The following TBC1D19 variants were observed in gnomAD, a reference collection of about 807,000 sequenced individuals.
TBC1D19 encodes the protein TBC1 domain family member 19.
Under a neutral mutation model 89.0 loss-of-function variants are expected in TBC1D19, and 60 were observed. The observed-to-expected ratio is 0.67, with a 90% CI of 0.55 to 0.84. The LOEUF (loss-of-function observed/expected upper bound fraction) is 0.84, where lower values mean the gene tolerates loss of function less well. TBC1D19 is among the 40% of genes least tolerant of loss of function. The probability of loss-of-function intolerance (pLI) is 0.00; values close to 1 mark genes in which losing one functional copy is unlikely to be tolerated. For missense variants in TBC1D19, 500 were observed against 610.8 expected (o/e 0.82, Z 1.91); for synonymous variants, 189 against 199.7 (o/e 0.95, Z 0.45).
rs1463550681 is a variant in TBC1D19, at chr4:26,735,627, G to T, written c.1117+140G>T. ...AAAAAATAAAGTGAAATGCATGCTA[G>T]TTCCCCATAGGGGCTTCATTTTTTT... On this transcript the variant is annotated intron_variant, in intron 16 of 20. Coordinates refer to ENST00000264866, the MANE Select transcript of TBC1D19 (RefSeq NM_018317.4). The T allele has an allele frequency of 5.9e-6, 4 of 672,344 alleles. No homozygotes were observed. In the Admixed American group the frequency reaches 1.2e-4, roughly 20 times the overall value. The allele number at this position is 672,344 out of a possible 1,614,324, so 41.6% of individuals were successfully genotyped here. A position where few individuals can be genotyped will look rare whatever the true frequency, so the allele number is the denominator to read the frequency against.
At chr4:26,748,656 C>G in intron 19 of TBC1D19, 130 bp downstream of exon 19, 2 of 683,938 alleles carry the variant, frequency 2.9e-6, no homozygotes, top group Non-Finnish European at 4.9e-6. Context: ...ATAGATATAT[C>G]TGGCTTTGAC....
chr4:26,762,875 A>C, the TBC1D19 span, among the ~76,000 whole-genome samples: 2 of 152,064 alleles, frequency 1.3e-5, no homozygotes, highest in South Asian at 4.1e-4. Flanking sequence ...GCTGGAAGGA[A>C]ATGGAGTCTC....
At chr4:26,709,530 C>A (rs562472719) in intron 13 of TBC1D19, among the ~76,000 whole-genome samples, 1 of 152,118 alleles carries the variant, frequency 6.6e-6, no homozygotes, top group Admixed American at 6.6e-5. Flanking sequence ...AGATACCAGA[C>A]ATTTGGAGGA....
At chr4:26,665,788 T>C (rs1188425663) in intron 8 of TBC1D19, among the ~76,000 whole-genome samples, 2 of 152,118 alleles carry the variant, frequency 1.3e-5, no homozygotes, top group African/African-American at 2.4e-5. Flanking sequence ...TGTGTGTGTG[T>C]GTTTCAGGAA....
At chr4:26,582,219 T>C (rs1215942148), upstream of TBC1D19, among the ~76,000 whole-genome samples, 1 of 152,104 alleles carries the variant, frequency 6.6e-6, no homozygotes, top group Non-Finnish European at 1.5e-5. Context: ...TATTAATATA[T>C]ATTAATAGTC....
rs879371387 is a variant in TBC1D19 at position 26,691,624 on chromosome 4, A to T, written c.954+3217A>T. On this transcript the variant is annotated intron_variant, in intron 13 of 20. Transcript: ENST00000264866. ...CAAGAAAGTATTTTTAATTTATGGC[A>T]TGTATATTTTTGGGCATATGCTAGT... is the stretch of plus-strand genomic sequence containing the variant. Among the ~76,000 whole-genome samples the T allele has an allele frequency of 2.6e-5, 4 of 152,092 alleles. No homozygotes were observed. The East Asian group carries it at 5.8e-4, about 22-fold the overall frequency.
chr4:26,741,595 C>T (rs1578008309), intron 17 of TBC1D19, among the ~76,000 whole-genome samples: 1 of 150,628 alleles, frequency 6.6e-6, no homozygotes, highest in East Asian at 1.9e-4. Context: ...TATTCTTTTT[C>T]AGCGAATTGA....
At chr4:26,606,811 G>T (rs1043396022) in intron 1 of TBC1D19, among the ~76,000 whole-genome samples, 9 of 152,088 alleles carry the variant, frequency 5.9e-5, no homozygotes, top group African/African-American at 2.2e-4. Flanking sequence ...CTCTTTAGAG[G>T]GAATTAAAGG....
intron 4 of TBC1D19, among the ~76,000 whole-genome samples, chr4:26,633,459 G>A (rs1409836697): frequency 2.0e-5 from 3 of 152,054 alleles, no homozygotes; most frequent in East Asian, 3.9e-4. Context: ...TGACATCAGG[G>A]AAAAAGCATA....
chr4:26,766,177 G>T, the TBC1D19 span, among the ~76,000 whole-genome samples: 1 of 152,212 alleles, frequency 6.6e-6, no homozygotes, highest in Non-Finnish European at 1.5e-5. Context: ...AAAGAGGAAA[G>T]AACTGAATAC....
At chr4:26,664,350 G>A (rs746373474) in intron 8 of TBC1D19, among the ~76,000 whole-genome samples, 56 of 152,138 alleles carry the variant, frequency 3.7e-4, no homozygotes, top group Non-Finnish European at 6.5e-4. Flanking sequence ...GAGCAATGAA[G>A]TAGGAAATTG....
At chr4:26,753,129 G>GA (rs1719066985) in intron 19 of TBC1D19, among the ~76,000 whole-genome samples, 1 of 152,130 alleles carries the variant, frequency 6.6e-6, no homozygotes, top group South Asian at 2.1e-4. Flanking sequence ...GACACTCTAA[G>GA]AAAGTCAGTG....
chr4:26,589,467 G>A (rs1739631224), intron 1 of TBC1D19, among the ~76,000 whole-genome samples: 1 of 152,168 alleles, frequency 6.6e-6, no homozygotes, highest in African/African-American at 2.4e-5. Context: ...GCAGAAGTCT[G>A]TTGTTTGTTA....
upstream of TBC1D19, among the ~76,000 whole-genome samples, chr4:26,582,280 A>G (rs574500241): frequency 4.9e-4 from 74 of 152,274 alleles, no homozygotes; most frequent in Admixed American, 1.4e-3. Flanking sequence ...TGGATATTTT[A>G]CACTCTTGAT....
At chr4:26,655,513 G>A (rs528114652) in intron 7 of TBC1D19, among the ~76,000 whole-genome samples, 12 of 152,338 alleles carry the variant, frequency 7.9e-5, no homozygotes, top group African/African-American at 2.9e-4. Context: ...GCTGTGGTGG[G>A]CTCCACCCAG....
chr4:26,604,455 AT>A (rs993198945), intron 1 of TBC1D19, among the ~76,000 whole-genome samples: 4 of 150,748 alleles, frequency 2.7e-5, no homozygotes, highest in African/African-American at 9.7e-5. Flanking sequence ...CCCGGCCAGA[AT>A]TTTCTTTTTA....
chr4:26,835,665 T>C, the TBC1D19 span, among the ~76,000 whole-genome samples: 4 of 152,178 alleles, frequency 2.6e-5, no homozygotes, highest in Non-Finnish European at 5.9e-5. Context: ...TCAGCCACTA[T>C]TCTTGATTTC....
At chr4:26,677,616 T>C (rs1712953711) in intron 11 of TBC1D19, among the ~76,000 whole-genome samples, 1 of 152,152 alleles carries the variant, frequency 6.6e-6, no homozygotes, top group Non-Finnish European at 1.5e-5. Flanking sequence ...AATCTGGTGA[T>C]ATGGTTTGGC....
chr4:26,737,405 T>A (rs1006555028), intron 16 of TBC1D19, among the ~76,000 whole-genome samples: 5 of 152,204 alleles, frequency 3.3e-5, no homozygotes, highest in Non-Finnish European at 4.4e-5. Flanking sequence ...CTTTAATAGT[T>A]CCAACTGCAA....
Sources: gnomAD v4.1 joint callset for allele counts (sites outside exome capture counted in the v4.1 genomes callset) on GRCh38, gnomAD v4.1.1 for gene constraint, MANE v1.5 for transcripts, NCBI Gene and HGNC (gene_info 2026-07-23, HGNC 2026-07-21) for gene names.